The following SNUPN variants were observed in gnomAD, a reference collection of about 807,000 sequenced individuals.
SNUPN encodes snurportin 1.
In SNUPN, 31 loss-of-function variants were observed where a neutral mutation model predicts 39.2. That is an observed-to-expected ratio of 0.79 (90% CI 0.59 to 1.07). The LOEUF is 1.07. SNUPN is among the 50% of genes least tolerant of loss of function. The pLI is 0.00. For synonymous variants in SNUPN, 132 were observed against 159.0 expected (o/e 0.83, Z 1.28); for missense variants, 382 against 434.2 (o/e 0.88, Z 1.07).
intron 6 of SNUPN, among the ~76,000 whole-genome samples, chr15:75,606,242 CTTGA>C (rs1314086307): frequency 6.6e-6 from 1 of 152,164 alleles, no homozygotes; most frequent in African/African-American, 2.4e-5. Flanking sequence ...CAATGCACAT[CTTGA>C]TTGTTATTGT....
chr15:75,605,652 TAC>T (rs760355037), intron 6 of SNUPN, among the ~76,000 whole-genome samples: 11 of 152,212 alleles, frequency 7.2e-5, no homozygotes, highest in Non-Finnish European at 1.3e-4. Context: ...AAAAGATACA[TAC>T]AGTCTTTTGT....
chr15:75,603,399 C>T (rs2075306118), intron 7 of SNUPN, among the ~76,000 whole-genome samples: 1 of 150,224 alleles, frequency 6.7e-6, no homozygotes, highest in African/African-American at 2.4e-5. Flanking sequence ...CAGTGGATCA[C>T]GCCTGTAATC....
intron 3 of SNUPN, among the ~76,000 whole-genome samples, chr15:75,616,255 G>A (rs766213153): frequency 2.6e-5 from 4 of 151,224 alleles, no homozygotes; most frequent in African/African-American, 4.9e-5. Context: ...TCGGGAGTTC[G>A]AGACCAACCT....
intron 2 of SNUPN, among the ~76,000 whole-genome samples, chr15:75,618,018 A>T (rs766490152): frequency 6.6e-6 from 1 of 152,238 alleles, no homozygotes; most frequent in Non-Finnish European, 1.5e-5. Flanking sequence ...AGGCTAAAAC[A>T]GTGACCGCCC....
At position 75,609,823 on chromosome 15, in the gene SNUPN, T is replaced by C. The variant is rs140688075; in HGVS notation, c.408+67A>G. On this transcript the variant is annotated intron_variant, in intron 4 of 8. Coordinates refer to ENST00000308588, the MANE Select transcript of SNUPN (RefSeq NM_005701.4). ...CAGCTGTTGTGGCGTATGAGGAAAA[T>C]GGAGCACAAAGAATCCCTCCCACTA... 1.4e-4 allele frequency: 185 copies of C among 1,344,560 alleles called. No individual in the cohort carries two copies. In the African/African-American group the frequency reaches 2.5e-3, roughly 18 times the overall value. The allele number at this position is 1,344,560 out of a possible 1,614,324, so 83.3% of individuals were successfully genotyped here. A position where few individuals can be genotyped will look rare whatever the true frequency, so the allele number is the denominator to read the frequency against.
intron 1 of SNUPN, among the ~76,000 whole-genome samples, chr15:75,624,089 G>A (rs966742327): frequency 1.3e-5 from 2 of 149,310 alleles, no homozygotes; most frequent in Non-Finnish European, 3.0e-5. Flanking sequence ...CACTACGCCC[G>A]GCTAATTTTT....
Position 75,620,905 on chromosome 15 carries a change from TTCCAGTAACC to T in SNUPN, c.137_146del (p.Arg46AsnfsTer11), listed in dbSNP as rs970612138. 5.6e-6 allele frequency: 9 copies of T among 1,613,256 alleles called. No homozygotes were observed. The highest frequency in any genetic ancestry group is 7.6e-6 in the Non-Finnish European group (9 of 1,179,758). On this transcript the variant is annotated frameshift_variant, in exon 2 of 9. Transcript: ENST00000308588. LOFTEE classifies it high-confidence loss of function. ...TAAAGCTTCCTTACGATTTCTGCAG[TTCCAGTAACC>T]TCCGGCGGCGCTCACTCTGCTCCAA...
chr15:75,617,994 G>T (rs1892977761), intron 2 of SNUPN, among the ~76,000 whole-genome samples: 1 of 152,158 alleles, frequency 6.6e-6, no homozygotes, highest in Non-Finnish European at 1.5e-5. Context: ...AGAAATGATG[G>T]AATCTCCTTT....
At chr15:75,618,965 C>T (rs377029675) in intron 2 of SNUPN, among the ~76,000 whole-genome samples, 2 of 149,640 alleles carry the variant, frequency 1.3e-5, no homozygotes, top group South Asian at 2.1e-4. Flanking sequence ...GAATTTCTCC[C>T]CCAAAACACC....
chr15:75,608,425 G>A (rs1006223010), intron 5 of SNUPN, among the ~76,000 whole-genome samples: 6 of 152,126 alleles, frequency 3.9e-5, no homozygotes, highest in Non-Finnish European at 2.9e-5. Flanking sequence ...GAGGACATGA[G>A]GAACCACCAA....
chr15:75,621,110 T>C (rs1388220184), intron 1 of SNUPN, 54 bp from the exon 2 acceptor site: 3 of 1,556,124 alleles, frequency 1.9e-6, no homozygotes, highest in Non-Finnish European at 2.6e-6. Flanking sequence ...ATCTCCTGTA[T>C]ACAGACAGTT....
intron 1 of SNUPN, among the ~76,000 whole-genome samples, chr15:75,622,819 G>C (rs1048604182): frequency 1.3e-5 from 2 of 152,162 alleles, no homozygotes; most frequent in Non-Finnish European, 2.9e-5. Flanking sequence ...TGAAACATTA[G>C]ATTTTGTTTA....
intron 1 of SNUPN, among the ~76,000 whole-genome samples, chr15:75,621,904 C>T (rs1893081922): frequency 1.3e-5 from 2 of 152,096 alleles, no homozygotes; most frequent in African/African-American, 4.8e-5. Context: ...GATGTGGTGG[C>T]AGGCGCCTGT....
Position 75,609,659 on chromosome 15 carries a change from G to A in SNUPN, c.409-8C>T, listed in dbSNP as rs751243345. On this transcript the variant is annotated splice_polypyrimidine_tract_variant and splice_region_variant and intron_variant, in intron 4 of 8. Coordinates refer to ENST00000308588, the MANE Select transcript of SNUPN (RefSeq NM_005701.4). Reference sequence around the variant, plus strand: ...GTAGGCACTGGTAGAACCCTGCATGGAGAGAAAGTTACCATTCTTATTAGA... The same window carrying A: ...GTAGGCACTGGTAGAACCCTGCATGAAGAGAAAGTTACCATTCTTATTAGA... 2 of 1,596,196 alleles carry A rather than the reference G, an allele frequency of 1.3e-6. No individual in the cohort carries two copies. Among genetic ancestry groups the A allele is most frequent in the Non-Finnish European group, 1.7e-6 (2 of 1,169,670 alleles).
intron 2 of SNUPN, among the ~76,000 whole-genome samples, chr15:75,619,984 G>A (rs192332219): frequency 1.6e-3 from 247 of 152,210 alleles, no homozygotes; most frequent in African/African-American, 5.7e-3. Context: ...CCTGACCTCA[G>A]GTGATCCACC....
intron 3 of SNUPN, among the ~76,000 whole-genome samples, chr15:75,610,960 G>A (rs1372513562): frequency 6.6e-6 from 1 of 152,048 alleles, no homozygotes; most frequent in Admixed American, 6.6e-5. Flanking sequence ...ACGAGGTCAA[G>A]AGATTGAGAC....
chr15:75,616,527 G>A (rs547854583), intron 3 of SNUPN, among the ~76,000 whole-genome samples: 70 of 152,274 alleles, frequency 4.6e-4, no homozygotes, highest in South Asian at 4.1e-4. Context: ...CTGGCTTCAA[G>A]TAATCCTCCC....
At chr15:75,624,295 C>A (rs1893159024) in intron 1 of SNUPN, among the ~76,000 whole-genome samples, 1 of 151,326 alleles carries the variant, frequency 6.6e-6, no homozygotes, top group Non-Finnish European at 1.5e-5. Context: ...TCCAAAGCAC[C>A]TTTATTAGGC....
chr15:75,610,042 C>T (rs1001579380), intron 3 of SNUPN, 48 bp from the exon 4 acceptor site: 62 of 1,388,850 alleles, frequency 4.5e-5, no homozygotes, highest in Non-Finnish European at 5.6e-5. Context: ...GTGTGCTACT[C>T]GAAAGTCTGC....
Sources: gnomAD v4.1 joint callset for allele counts (sites outside exome capture counted in the v4.1 genomes callset) on GRCh38, gnomAD v4.1.1 for gene constraint, MANE v1.5 for transcripts, NCBI Gene and HGNC (gene_info 2026-07-23, HGNC 2026-07-21) for gene names.